SLC39A11: variants seen among roughly 807,000 people sequenced by gnomAD.
The protein encoded by SLC39A11 is solute carrier family 39 member 11.
SLC39A11 carries 33 observed loss-of-function variants against 36.1 expected under a neutral mutation model. The observed-to-expected ratio is 0.91, with a 90% CI of 0.69 to 1.22. The LOEUF (loss-of-function observed/expected upper bound fraction) is 1.22. Ranked by LOEUF, SLC39A11 falls within the 50% of genes most tolerant of loss-of-function variation. The pLI, the probability that SLC39A11 is intolerant of heterozygous loss-of-function variation, is 0.00. For synonymous variants in SLC39A11, 166 were observed against 170.3 expected (o/e 0.97, Z 0.20); for missense variants, 432 against 430.3 (o/e 1.00, Z -0.03).
At chr17:72,860,901 C>T (rs1410729849) in intron 5 of SLC39A11, among the ~76,000 whole-genome samples, 1 of 152,128 alleles carries the variant, frequency 6.6e-6, no homozygotes, top group Non-Finnish European at 1.5e-5. Flanking sequence ...TCAGTTTATG[C>T]ACTTGCCAAA....
chr17:73,058,678 G>A (rs1253953010), intron 3 of SLC39A11, among the ~76,000 whole-genome samples: 3 of 152,106 alleles, frequency 2.0e-5, no homozygotes, highest in East Asian at 1.9e-4. Context: ...AGTCGAGATC[G>A]CACCACTGCA....
At chr17:72,738,774 C>T (rs1319840188) in intron 6 of SLC39A11, among the ~76,000 whole-genome samples, 2 of 152,190 alleles carry the variant, frequency 1.3e-5, no homozygotes, top group South Asian at 4.1e-4. Context: ...ACATAAAAAT[C>T]GACTGAATGA....
At chr17:73,047,048 G>A (rs975659846) in intron 3 of SLC39A11, among the ~76,000 whole-genome samples, 84 of 140,218 alleles carry the variant, frequency 6.0e-4, no homozygotes, top group Middle Eastern at 4.3e-3. Context: ...TTTTTGAGAC[G>A]GAGTCTCGCT....
intron 6 of SLC39A11, among the ~76,000 whole-genome samples, chr17:72,764,590 C>A (rs529536996): frequency 1.3e-5 from 2 of 152,200 alleles, no homozygotes; most frequent in African/African-American, 4.8e-5. Context: ...AAAACCTACA[C>A]GGCATGGTCA....
intron 5 of SLC39A11, among the ~76,000 whole-genome samples, chr17:72,867,484 C>T (rs2080361431): frequency 6.6e-6 from 1 of 151,914 alleles, no homozygotes; most frequent in Admixed American, 6.6e-5. Context: ...TGGGCGACTG[C>T]GTGAGCCTCC....
chr17:72,688,882 T>C (rs2071880511), intron 7 of SLC39A11, among the ~76,000 whole-genome samples: 1 of 152,330 alleles, frequency 6.6e-6, no homozygotes, highest in East Asian at 1.9e-4. Flanking sequence ...GCAGCTACTC[T>C]AGCTCTGACT....
At chr17:72,737,653 A>G (rs1284233602) in intron 6 of SLC39A11, among the ~76,000 whole-genome samples, 2 of 152,044 alleles carry the variant, frequency 1.3e-5, no homozygotes, top group African/African-American at 4.8e-5. Context: ...ACCTCCAGGC[A>G]TCTCAATTAC....
rs550403647 is a variant in SLC39A11, at chr17:72,677,334, G to A, written c.672-28066C>T. On this transcript the variant is annotated intron_variant, in intron 7 of 9. Coordinates refer to ENST00000255559, the MANE Select transcript of SLC39A11 (RefSeq NM_139177.4). ...GCAAAAGAGGCACACAGGAGGCCAT[G>A]GCCAACACCAGCTGGGCCCTGCTAC... 2.6e-5 allele frequency among the ~76,000 whole-genome samples: 4 copies of A among 152,296 alleles called. No individual in the cohort carries two copies. The South Asian group carries it at 8.3e-4, about 32-fold the overall frequency.
chr17:73,034,576 G>A (rs746433216), intron 3 of SLC39A11, among the ~76,000 whole-genome samples: 4 of 151,958 alleles, frequency 2.6e-5, no homozygotes, highest in African/African-American at 9.7e-5. Context: ...TCTCCCATAC[G>A]GTCCCACCTT....
intron 4 of SLC39A11, among the ~76,000 whole-genome samples, chr17:72,966,472 G>A (rs1039899996): frequency 1.3e-5 from 2 of 152,188 alleles, no homozygotes; most frequent in African/African-American, 4.8e-5. Context: ...TTCTAGGGCA[G>A]GGGTCCCCAA....
At chr17:72,675,646 CTG>C (rs1490003567) in intron 7 of SLC39A11, among the ~76,000 whole-genome samples, 1 of 152,106 alleles carries the variant, frequency 6.6e-6, no homozygotes, top group East Asian at 1.9e-4. Context: ...AGTCGTTGCT[CTG>C]TGAGTGCTGC....
intron 7 of SLC39A11, among the ~76,000 whole-genome samples, chr17:72,733,575 C>T (rs912181815): frequency 6.6e-6 from 1 of 152,128 alleles, no homozygotes. Context: ...GCACAGTCCC[C>T]CTGCCTGGCA....
chr17:72,913,373 T>C (rs2083137419), intron 5 of SLC39A11, among the ~76,000 whole-genome samples: 1 of 152,142 alleles, frequency 6.6e-6, no homozygotes, highest in Non-Finnish European at 1.5e-5. Context: ...AAATTAATCC[T>C]GGAGAAAGGG....
At chr17:72,789,641 GAAC>G (rs2145043395) in intron 6 of SLC39A11, among the ~76,000 whole-genome samples, 1 of 152,282 alleles carries the variant, frequency 6.6e-6, no homozygotes, top group African/African-American at 2.4e-5. Context: ...TGGAAACATA[GAAC>G]AACAACCTGA....
At chr17:73,004,426 G>A (rs746499590) in intron 4 of SLC39A11, among the ~76,000 whole-genome samples, 6 of 152,262 alleles carry the variant, frequency 3.9e-5, no homozygotes, top group African/African-American at 9.6e-5. Context: ...GAAAGACAGC[G>A]AGCTCTCTGG....
chr17:72,685,689 T>C (rs1024297566), intron 7 of SLC39A11, among the ~76,000 whole-genome samples: 4 of 152,196 alleles, frequency 2.6e-5, no homozygotes, highest in Non-Finnish European at 5.9e-5. Context: ...GATTTAGGAA[T>C]ACAGGGACAT....
At chr17:72,859,305 G>A (rs2079825406) in intron 5 of SLC39A11, among the ~76,000 whole-genome samples, 1 of 151,926 alleles carries the variant, frequency 6.6e-6, no homozygotes, top group African/African-American at 2.4e-5. Context: ...AGGATGCCCA[G>A]TTATGTTTAA....
intron 5 of SLC39A11, among the ~76,000 whole-genome samples, chr17:72,873,789 C>A (rs1272519933): frequency 3.9e-5 from 6 of 152,080 alleles, no homozygotes; most frequent in African/African-American, 1.4e-4. Context: ...GCTCTGTGTC[C>A]CCACCCCCAC....
intron 7 of SLC39A11, among the ~76,000 whole-genome samples, chr17:72,731,336 G>C (rs1028123252): frequency 6.6e-6 from 1 of 152,150 alleles, no homozygotes. Context: ...CCCAGTCCCT[G>C]GTGGATATGG....
Sources: gnomAD v4.1 joint callset for allele counts (sites outside exome capture counted in the v4.1 genomes callset) on GRCh38, gnomAD v4.1.1 for gene constraint, MANE v1.5 for transcripts, NCBI Gene and HGNC (gene_info 2026-07-23, HGNC 2026-07-21) for gene names.